The following KCNIP4 variants were observed in gnomAD, a reference collection of about 807,000 sequenced individuals.
KCNIP4 encodes the protein potassium voltage-gated channel interacting protein 4, also known as Kv channel-interacting protein 4.
Under a neutral mutation model 34.0 loss-of-function variants are expected in KCNIP4, and 12 were observed. The ratio of observed to expected loss-of-function variants is 0.35; its 90% CI spans 0.23 to 0.57. KCNIP4 has a LOEUF of 0.57. Among genes scored for constraint, KCNIP4 ranks in the 20% least tolerant of loss-of-function variants. KCNIP4 has a pLI of 0.83. For missense variants in KCNIP4, 238 were observed against 311.7 expected (o/e 0.76, Z 1.78); for synonymous variants, 124 against 102.2 (o/e 1.21, Z -1.29).
At chr4:21,597,989 A>C (rs1742790177) in intron 1 of KCNIP4, among the ~76,000 whole-genome samples, 1 of 152,118 alleles carries the variant, frequency 6.6e-6, no homozygotes, top group Non-Finnish European at 1.5e-5. Flanking sequence ...ATAATTATGA[A>C]CTGTTGATTC....
chr4:21,192,456 T>A (rs1755722012), intron 1 of KCNIP4, among the ~76,000 whole-genome samples: 1 of 152,162 alleles, frequency 6.6e-6, no homozygotes, highest in Non-Finnish European at 1.5e-5. Flanking sequence ...GACTTAAAAC[T>A]ATAATATCAA....
chr4:21,159,454 G>A lies in KCNIP4; in HGVS notation c.62-276745C>T, dbSNP rs528286010. On this transcript the variant is annotated intron_variant, in intron 1 of 8. Coordinates refer to ENST00000382152, the MANE Select transcript of KCNIP4 (RefSeq NM_025221.6). The stretch of plus-strand genomic sequence containing the variant: ...GTCTACAGCTCCCAGCGTGAGCGAC[G>A]CAGAAGACGGTGATTTCTGCATTTC... Among the ~76,000 whole-genome samples, 6 of 20,506 alleles carry A rather than the reference G, an allele frequency of 2.9e-4. 1 individual carries two copies. In the East Asian group the frequency reaches 2.9e-3, roughly 10 times the overall value. 13.5% of individuals were successfully genotyped at this position (20,506 alleles called of 152,430 possible).
At chr4:21,665,543 C>T (rs971628780) in intron 1 of KCNIP4, among the ~76,000 whole-genome samples, 1 of 137,932 alleles carries the variant, frequency 7.2e-6, no homozygotes, top group Non-Finnish European at 1.6e-5. Flanking sequence ...CATGTATTTT[C>T]TTGTAAAAGT....
At position 21,349,502 on chromosome 4, in the gene KCNIP4, G is replaced by A. The variant is rs141109287; in HGVS notation, c.62-466793C>T. Among the ~76,000 whole-genome samples, 1,084 of 152,262 alleles carry A rather than the reference G, an allele frequency of 7.1e-3. 11 individuals carry two copies. Among genetic ancestry groups the A allele is most frequent in the African/African-American group, 0.024 (985 of 41,542 alleles). ...TGCATGCAATGTGTCATTCAGCAGC[G>A]TCTTTTATAAACCTTTAATGAAGCC... On this transcript the variant is annotated intron_variant, in intron 1 of 8. Transcript: ENST00000382152.
chr4:20,836,993 T>C (rs1274709481), intron 3 of KCNIP4, among the ~76,000 whole-genome samples: 1 of 152,096 alleles, frequency 6.6e-6, no homozygotes, highest in Non-Finnish European at 1.5e-5. Flanking sequence ...CTTTTTTGCA[T>C]CAATATATAT....
chr4:21,836,771 G>C (rs997844686), intron 1 of KCNIP4, among the ~76,000 whole-genome samples: 2 of 152,034 alleles, frequency 1.3e-5, no homozygotes, highest in Non-Finnish European at 2.9e-5. Context: ...ACTAGTTCCA[G>C]GGCCCTGAAA....
At position 21,195,831 on chromosome 4, in the gene KCNIP4, A is replaced by G. The variant is rs916347486; in HGVS notation, c.62-313122T>C. Among the ~76,000 whole-genome samples, 7 of 152,106 alleles carry G rather than the reference A, an allele frequency of 4.6e-5. No homozygotes were observed. In the East Asian group the frequency reaches 7.8e-4, roughly 17 times the overall value. On this transcript the variant is annotated intron_variant, in intron 1 of 8. Coordinates refer to ENST00000382152, the MANE Select transcript of KCNIP4 (RefSeq NM_025221.6). ...TTCTTTCCGCCCAAGTAGACTCTCA[A>G]TTCTCCTCTTTGCTGAACCCTGAGG... is the stretch of plus-strand genomic sequence containing the variant.
At chr4:20,911,874 CATT>C (rs1239840037) in intron 1 of KCNIP4, among the ~76,000 whole-genome samples, 1 of 152,202 alleles carries the variant, frequency 6.6e-6, no homozygotes, top group African/African-American at 2.4e-5. Context: ...AACTTGGAAT[CATT>C]ATAGAGGAAT....
intron 1 of KCNIP4, among the ~76,000 whole-genome samples, chr4:21,248,800 T>C (rs1245759888): frequency 6.6e-6 from 1 of 152,166 alleles, no homozygotes; most frequent in Non-Finnish European, 1.5e-5. Flanking sequence ...AGTACTATTA[T>C]TGTTCAAATT....
intron 1 of KCNIP4, chr4:21,850,400 C>A (rs1182701887): frequency 6.6e-6 from 1 of 151,910 alleles, no homozygotes; most frequent in Non-Finnish European, 1.5e-5. Context: ...AAACTTAATT[C>A]CTGGGTTAAT....
chr4:21,399,165 G>A (rs1047829549), intron 1 of KCNIP4, among the ~76,000 whole-genome samples: 1 of 152,190 alleles, frequency 6.6e-6, no homozygotes, highest in African/African-American at 2.4e-5. Flanking sequence ...GCCCCTCCAG[G>A]GGGCTTCCAG....
intron 1 of KCNIP4, among the ~76,000 whole-genome samples, chr4:21,016,149 T>C (rs900314526): frequency 1.3e-5 from 2 of 151,038 alleles, no homozygotes; most frequent in Non-Finnish European, 2.9e-5. Context: ...TCCATATGAA[T>C]TGACAGCTGA....
chr4:21,113,097 A>G (rs997642190), intron 1 of KCNIP4, among the ~76,000 whole-genome samples: 1 of 152,198 alleles, frequency 6.6e-6, no homozygotes, highest in Non-Finnish European at 1.5e-5. Flanking sequence ...GCTGAGTCCA[A>G]ATTTCCGGGA....
At chr4:21,084,759 C>T (rs535143672) in intron 1 of KCNIP4, among the ~76,000 whole-genome samples, 1 of 151,264 alleles carries the variant, frequency 6.6e-6, no homozygotes, top group Non-Finnish European at 1.5e-5. Flanking sequence ...ACTTGGATGC[C>T]TAAAATAGCC....
intron 1 of KCNIP4, among the ~76,000 whole-genome samples, chr4:20,905,509 C>CTTTCTTTTTTTT (rs71655610): frequency 5.5e-5 from 4 of 72,798 alleles, no homozygotes; most frequent in Non-Finnish European, 8.2e-5. Flanking sequence ...CGTTTTCTTT[C>CTTTCTTTTTTTT]TTTTTTTTTT....
At chr4:20,851,795 T>C (rs747324646) in intron 2 of KCNIP4, among the ~76,000 whole-genome samples, 2 of 152,190 alleles carry the variant, frequency 1.3e-5, no homozygotes, top group African/African-American at 4.8e-5. Context: ...AACAATGGAA[T>C]TGTCATTTAA....
rs146570510 is a variant in KCNIP4 at position 21,564,521 on chromosome 4, C to T, written c.61+384050G>A. 1.1e-3 allele frequency among the ~76,000 whole-genome samples: 175 copies of T among 152,276 alleles called. 3 individuals are homozygous for T. Among genetic ancestry groups the T allele is most frequent in the African/African-American group, 4.0e-3 (165 of 41,568 alleles). On this transcript the variant is annotated intron_variant, in intron 1 of 8. Coordinates refer to ENST00000382152, the MANE Select transcript of KCNIP4 (RefSeq NM_025221.6). ...ACATTCAGTCTTCTGCTCATTGTCA[C>T]ATATGCCCATGATCTTAAAAGCAAG...
chr4:21,272,876 A>G (rs182915723), intron 1 of KCNIP4, among the ~76,000 whole-genome samples: 372 of 152,300 alleles, frequency 2.4e-3, no homozygotes, highest in African/African-American at 8.4e-3. Context: ...TCAATTGTCA[A>G]TTATCTACAG....
At chr4:21,205,168 A>G (rs1172872886) in intron 1 of KCNIP4, among the ~76,000 whole-genome samples, 3 of 152,206 alleles carry the variant, frequency 2.0e-5, no homozygotes, top group Non-Finnish European at 4.4e-5. Flanking sequence ...TCTGAGTGTA[A>G]TTCCACAAAT....
Sources: allele counts gnomAD v4.1 joint callset (sites outside exome capture counted in the v4.1 genomes callset), GRCh38; gene constraint gnomAD v4.1.1; transcripts MANE v1.5; gene names NCBI Gene and HGNC (gene_info 2026-07-23, HGNC 2026-07-21).